Variants in GRIN2A observed in about 807,000 individuals in gnomAD.
The protein encoded by GRIN2A is glutamate receptor ionotropic, NMDA 2A.
Under a neutral mutation model 113.4 loss-of-function variants are expected in GRIN2A, and 22 were observed. The ratio of observed to expected loss-of-function variants is 0.19; its 90% CI spans 0.14 to 0.28. The LOEUF (loss-of-function observed/expected upper bound fraction) is 0.28, where lower values mean the gene tolerates loss of function less well. Among genes scored for constraint, GRIN2A ranks in the 10% least tolerant of loss-of-function variants. The probability of loss-of-function intolerance (pLI) is 1.00; values close to 1 mark genes in which losing one functional copy is unlikely to be tolerated. For synonymous variants in GRIN2A, 827 were observed against 738.4 expected, an observed-to-expected ratio of 1.12 and a Z score of -1.94; for missense variants, 1,502 against 1,887.0, an observed-to-expected ratio of 0.80 and a Z score of 3.78.
In GRIN2A at chr16:10,138,115, T is replaced by G. The variant is rs531739102; in HGVS notation, c.414+41883A>C. On this transcript the variant is annotated intron_variant, in intron 2 of 12. Coordinates refer to ENST00000330684, the MANE Select transcript of GRIN2A (RefSeq NM_001134407.3). ...GGGCATGGCACTTTCCTCTTGGCAT[T>G]AGTAGAAATTAAAGGCTCTGTAGAT... is the stretch of plus-strand genomic sequence containing the variant. Among the ~76,000 whole-genome samples the G allele has an allele frequency of 9.5e-4, 145 of 152,324 alleles. 1 individual carries two copies. Among genetic ancestry groups the G allele is most frequent in the Non-Finnish European group, 9.0e-4 (61 of 68,024 alleles).
At chr16:10,170,706 G>T (rs1000404956) in intron 2 of GRIN2A, among the ~76,000 whole-genome samples, 1 of 151,654 alleles carries the variant, frequency 6.6e-6, no homozygotes, top group African/African-American at 2.4e-5. Flanking sequence ...TGAGACCCCC[G>T]TCTCTACCAA....
intron 5 of GRIN2A, among the ~76,000 whole-genome samples, chr16:9,846,804 A>G (rs1024604640): frequency 2.6e-5 from 4 of 152,198 alleles, no homozygotes; most frequent in African/African-American, 9.6e-5. Flanking sequence ...AACAGATCAG[A>G]AAAGACTCAG....
chr16:10,033,042 G>C (rs1048354183), intron 2 of GRIN2A, among the ~76,000 whole-genome samples: 3 of 152,096 alleles, frequency 2.0e-5, no homozygotes, highest in African/African-American at 7.2e-5. Flanking sequence ...TGCACCTGTG[G>C]GCAAAGTTTG....
intron 12 of GRIN2A, among the ~76,000 whole-genome samples, chr16:9,765,760 G>C (rs1186619438): frequency 6.6e-6 from 1 of 152,168 alleles, no homozygotes; most frequent in Non-Finnish European, 1.5e-5. Context: ...GTTTGTGTGT[G>C]AGTCTATTCA....
intron 11 of GRIN2A, among the ~76,000 whole-genome samples, chr16:9,786,501 A>G (rs992461118): frequency 2.0e-5 from 3 of 152,162 alleles, no homozygotes; most frequent in African/African-American, 7.2e-5. Flanking sequence ...GATTTTGCCC[A>G]GTACCTTCTG....
chr16:9,929,006 C>T (rs2044529175), intron 3 of GRIN2A, among the ~76,000 whole-genome samples: 1 of 152,220 alleles, frequency 6.6e-6, no homozygotes, highest in Non-Finnish European at 1.5e-5. Context: ...ACAAAATCAA[C>T]ATTGGGAACA....
At position 9,985,934 on chromosome 16, in the gene GRIN2A, C is replaced by T. The variant is rs192322858; in HGVS notation, c.415-47383G>A. On this transcript the variant is annotated intron_variant, in intron 2 of 12. Coordinates refer to ENST00000330684, the MANE Select transcript of GRIN2A (RefSeq NM_001134407.3). ...ACTATCATGCATTGTATGCTTGTAT[C>T]GAAGTATCTCATGTACCCCAGAAAT... Among the ~76,000 whole-genome samples the T allele has an allele frequency of 1.1e-4, 17 of 152,180 alleles. No homozygotes were observed. The East Asian group carries it at 2.3e-3, about 21-fold the overall frequency.
intron 2 of GRIN2A, among the ~76,000 whole-genome samples, chr16:10,041,405 A>G (rs2141960289): frequency 6.6e-6 from 1 of 152,310 alleles, no homozygotes; most frequent in East Asian, 1.9e-4. Flanking sequence ...TTGTAAAGAG[A>G]TTACTCATTC....
At chr16:9,869,538 T>C (rs534701677) in intron 4 of GRIN2A, among the ~76,000 whole-genome samples, 52 of 152,324 alleles carry the variant, frequency 3.4e-4, no homozygotes, top group African/African-American at 1.1e-3. Context: ...CTTCTGGTAA[T>C]AGGCCCTGAA....
intron 2 of GRIN2A, among the ~76,000 whole-genome samples, chr16:10,059,720 G>GA (rs34385533): frequency 4.8e-4 from 57 of 118,224 alleles, no homozygotes; most frequent in Non-Finnish European, 7.0e-4. Flanking sequence ...CATCGTGACC[G>GA]AAAAAAAAAA....
At chr16:10,163,353 C>T (rs576856656) in intron 2 of GRIN2A, among the ~76,000 whole-genome samples, 2 of 152,314 alleles carry the variant, frequency 1.3e-5, no homozygotes, top group Non-Finnish European at 2.9e-5. Context: ...GGAAAGAGAT[C>T]TTCAAAATGC....
At chr16:9,981,547 G>A (rs1012271311) in intron 2 of GRIN2A, among the ~76,000 whole-genome samples, 1 of 152,064 alleles carries the variant, frequency 6.6e-6, no homozygotes, top group Non-Finnish European at 1.5e-5. Context: ...ATTTTGAAGT[G>A]AACTCCAGAT....
intron 4 of GRIN2A, among the ~76,000 whole-genome samples, chr16:9,875,106 T>C (rs376398727): frequency 1.6e-5 from 2 of 127,738 alleles, no homozygotes; most frequent in African/African-American, 5.1e-5. Flanking sequence ...AGCAATTATC[T>C]TGCCTCAGTC....
At chr16:10,172,564 G>A (rs1448357597) in intron 2 of GRIN2A, among the ~76,000 whole-genome samples, 1 of 152,254 alleles carries the variant, frequency 6.6e-6, no homozygotes, top group Non-Finnish European at 1.5e-5. Flanking sequence ...ATTTAAGAAA[G>A]GAGGGGCACC....
intron 3 of GRIN2A, among the ~76,000 whole-genome samples, chr16:9,904,691 G>T (rs1596564525): frequency 1.3e-5 from 2 of 152,066 alleles, no homozygotes; most frequent in Non-Finnish European, 2.9e-5. Context: ...TTTTATAAGG[G>T]CATTAGTTCC....
At chr16:9,919,321 T>C (rs1250923496) in intron 3 of GRIN2A, among the ~76,000 whole-genome samples, 1 of 152,218 alleles carries the variant, frequency 6.6e-6, no homozygotes, top group Non-Finnish European at 1.5e-5. Context: ...CCTGGTTTAT[T>C]TCATGGTGGA....
At chr16:9,913,352 T>C (rs2044182018) in intron 3 of GRIN2A, among the ~76,000 whole-genome samples, 2 of 152,232 alleles carry the variant, frequency 1.3e-5, no homozygotes, top group South Asian at 4.1e-4. Context: ...TTCACTCTTT[T>C]TCTCCAGACA....
chr16:10,093,965 G>A (rs1409020218), intron 2 of GRIN2A, among the ~76,000 whole-genome samples: 1 of 152,148 alleles, frequency 6.6e-6, no homozygotes, highest in Non-Finnish European at 1.5e-5. Flanking sequence ...AAAGAGAACT[G>A]ATGCATCACC....
At chr16:9,819,521 GAAAA>G (rs572371350) in intron 10 of GRIN2A, among the ~76,000 whole-genome samples, 1 of 134,176 alleles carries the variant, frequency 7.5e-6, no homozygotes, top group Non-Finnish European at 1.6e-5. Context: ...GACCCTGTCT[GAAAA>G]AAAAAAAAAA....
Sources: gnomAD v4.1 joint callset for allele counts (sites outside exome capture counted in the v4.1 genomes callset) on GRCh38, gnomAD v4.1.1 for gene constraint, MANE v1.5 for transcripts, NCBI Gene and HGNC (gene_info 2026-07-23, HGNC 2026-07-21) for gene names.